The following DSG1 variants were observed in gnomAD, a reference collection of about 807,000 sequenced individuals.
The protein encoded by DSG1 is desmoglein 1, also known as desmoglein-1.
DSG1 carries 39 observed loss-of-function variants against 97.5 expected under a neutral mutation model. The observed-to-expected ratio is 0.40, with a 90% CI of 0.31 to 0.52. The LOEUF (loss-of-function observed/expected upper bound fraction) is 0.52, where lower values mean the gene tolerates loss of function less well. Among genes scored for constraint, DSG1 ranks in the 20% least tolerant of loss-of-function variants. The pLI is 0.53. For synonymous variants in DSG1, 475 were observed against 443.4 expected (o/e 1.07, Z -0.90); for missense variants, 1,311 against 1,295.4 (o/e 1.01, Z -0.18).
At chr18:31,343,744 T>C in intron 12 of DSG1, 161 bp downstream of exon 12, 1 of 1,217,010 alleles carries the variant, frequency 8.2e-7, no homozygotes, top group South Asian at 1.3e-5. Flanking sequence ...CAAAATTAGA[T>C]GGAAGTAACC....
At chr18:31,325,652 A>G (rs2071681176) in intron 1 of DSG1, among the ~76,000 whole-genome samples, 1 of 151,980 alleles carries the variant, frequency 6.6e-6, no homozygotes, top group Non-Finnish European at 1.5e-5. Context: ...TGTAAATATC[A>G]CCAATCACAA....
chr18:31,343,937 T>A lies in DSG1; in HGVS notation c.1833T>A (p.Thr611=), dbSNP rs1423113753. 6.2e-7 allele frequency: 1 copy of A among 1,612,548 alleles called. No homozygotes were observed. ...TTCCTGTCTTTTAGGATATAACCAC[T>A]GTCATACCACAAATACCACCTGATA... ...GPQPEPRDIT[T]VIPQIPPDNA... is the part of the protein sequence containing the mutation. Residue 611 remains threonine, a synonymous_variant, in exon 13 of 15, where the codon ACT becomes ACA. Transcript: ENST00000257192.
At chr18:31,341,170 T>G (rs943798657) in intron 11 of DSG1, among the ~76,000 whole-genome samples, 1 of 152,172 alleles carries the variant, frequency 6.6e-6, no homozygotes, top group Non-Finnish European at 1.5e-5. Context: ...CTTCGGGAAA[T>G]GAGAACAGGA....
rs1183333254 is a variant in DSG1, at chr18:31,357,306, CTT to C, written c.*1963_*1964del. On this transcript the variant is annotated 3_prime_UTR_variant, in exon 15 of 15. Coordinates refer to ENST00000257192, the MANE Select transcript of DSG1 (RefSeq NM_001942.4). ...ATAAATAAAGTCATTCAAAGGGAGT[CTT>C]TTCTTTTTCTGACACTTAGGGGGCC... 9.2e-5 allele frequency among the ~76,000 whole-genome samples: 14 copies of C among 151,956 alleles called. No homozygotes were observed. Among genetic ancestry groups the C allele is most frequent in the African/African-American group, 3.1e-4 (13 of 41,400 alleles).
intron 11 of DSG1, 150 bp from the exon 12 acceptor site, chr18:31,343,300 C>T: frequency 1.8e-6 from 2 of 1,095,712 alleles, no homozygotes; most frequent in Non-Finnish European, 1.4e-6. Context: ...GGGGTCTGAC[C>T]ATCATTCAGC....
intron 13 of DSG1, among the ~76,000 whole-genome samples, 158 bp downstream of exon 13, chr18:31,344,153 C>T (rs1328589286): frequency 6.6e-6 from 1 of 151,972 alleles, no homozygotes; most frequent in African/African-American, 2.4e-5. Context: ...CAAGGAAAAA[C>T]CTATGGTAAT....
intron 6 of DSG1, among the ~76,000 whole-genome samples, chr18:31,332,875 G>A (rs2071729403): frequency 1.3e-5 from 2 of 152,090 alleles, no homozygotes; most frequent in South Asian, 4.1e-4. Flanking sequence ...AGCCCAATGA[G>A]GTTTCTTTCA....
chr18:31,338,717 A>G (rs2071770424), intron 10 of DSG1, among the ~76,000 whole-genome samples: 1 of 152,194 alleles, frequency 6.6e-6, no homozygotes, highest in Non-Finnish European at 1.5e-5. Context: ...ATCCATCTAT[A>G]GCTGTTGTCT....
At chr18:31,354,004 A>G (rs2071928335) in intron 14 of DSG1, 1 of 357,482 alleles carries the variant, frequency 2.8e-6, no homozygotes, top group Non-Finnish European at 5.2e-6. Context: ...CTCGAAACCA[A>G]TTCATGTGAT....
Position 31,318,309 on chromosome 18 carries a change from G to C in DSG1, c.9G>C (p.Trp3Cys), listed in dbSNP as rs762299574. The C allele has an allele frequency of 5.0e-6, 8 of 1,613,510 alleles. No homozygotes were observed. Among genetic ancestry groups the C allele is most frequent in the Non-Finnish European group, 6.8e-6 (8 of 1,179,434 alleles). ...AAGAGAATCCAGCAGAGATGGACTG[G>C]AGTTTCTTCAGAGTAGTTGCAATGC... MD[W>C]SFFRVVAMLF... The change falls in exon 1 of 15, where the codon TGG becomes TGC. Residue 3 changes from tryptophan to cysteine, a missense_variant. Around this residue, in one of 3 missense-constraint regions of DSG1, gnomAD observed 259 missense variants for 304.1 expected, o/e 0.85. Coordinates refer to ENST00000257192, the MANE Select transcript of DSG1 (RefSeq NM_001942.4).
At chr18:31,321,355 G>C (rs887386745) in intron 1 of DSG1, among the ~76,000 whole-genome samples, 1 of 152,042 alleles carries the variant, frequency 6.6e-6, no homozygotes, top group Admixed American at 6.6e-5. Context: ...AGACCAAACA[G>C]AAGACAAGCA....
Position 31,334,188 on chromosome 18 carries a change from T to C in DSG1, c.991T>C (p.Leu331=). ...EMNERTNVGI[L]KVVKPLDYEA... The stretch of plus-strand genomic sequence containing the variant: ...GAATGAAAGAACAAATGTGGGAATT[T>C]TAAAGGTTGTTAAGGTATGGTATAA... The change falls in exon 8 of 15, where the codon TTA becomes CTA. Residue 331 remains leucine (L), a synonymous_variant. Transcript: ENST00000257192. 6.3e-7 allele frequency: 1 copy of C among 1,594,990 alleles called. No homozygotes were observed. The highest frequency in any genetic ancestry group is 8.6e-7 in the Non-Finnish European group (1 of 1,163,448).
intron 11 of DSG1, 143 bp downstream of exon 11, chr18:31,340,168 GT>G: frequency 1.1e-6 from 1 of 904,916 alleles, no homozygotes; most frequent in Non-Finnish European, 1.7e-6. Flanking sequence ...TTGGCACTGG[GT>G]TTATAAGATG....
chr18:31,351,906 G>A (rs1446562930), intron 14 of DSG1, among the ~76,000 whole-genome samples: 1 of 151,176 alleles, frequency 6.6e-6, no homozygotes, highest in African/African-American at 2.4e-5. Flanking sequence ...ACACTGATGG[G>A]TCTTGACTCT....
chr18:31,359,235 T>G lies in DSG1; in HGVS notation c.*3889T>G, dbSNP rs1020373335. 6.6e-6 allele frequency among the ~76,000 whole-genome samples: 1 copy of G among 152,182 alleles called. No homozygotes were observed. Among genetic ancestry groups the G allele is most frequent in the Non-Finnish European group, 1.5e-5 (1 of 68,012 alleles). On this transcript the variant is annotated 3_prime_UTR_variant, in exon 15 of 15. Transcript: ENST00000257192. ...AAGAGTTATGCATACAGCAATAAAATTATTAATATGCCTCCCTTATCTTTT... is the reference window on the plus strand; with the variant it reads ...AAGAGTTATGCATACAGCAATAAAAGTATTAATATGCCTCCCTTATCTTTT...
chr18:31,329,287 A>G (rs372820484), intron 4 of DSG1, among the ~76,000 whole-genome samples: 19 of 151,930 alleles, frequency 1.3e-4, no homozygotes, highest in African/African-American at 4.1e-4. Flanking sequence ...AAGAAACCCT[A>G]TTTTGCTCCT....
rs376205895 is a variant in DSG1 at position 31,358,887 on chromosome 18, A to C, written c.*3541A>C. Among the ~76,000 whole-genome samples, 1 of 152,080 alleles carries C rather than the reference A, an allele frequency of 6.6e-6. No individual in the cohort carries two copies. Among genetic ancestry groups the C allele is most frequent in the Non-Finnish European group, 1.5e-5 (1 of 67,978 alleles). The stretch of plus-strand genomic sequence containing the variant: ...CTTCCACTTCCGGATTATTCAATTT[A>C]TGTTAGGACAAATCTTGACTAGATC... On this transcript the variant is annotated 3_prime_UTR_variant, in exon 15 of 15. Transcript: ENST00000257192.
At chr18:31,347,978 A>T (rs78544441) in intron 14 of DSG1, among the ~76,000 whole-genome samples, 3 of 151,728 alleles carry the variant, frequency 2.0e-5, no homozygotes, top group East Asian at 1.9e-4. Flanking sequence ...ATTTTTTTTT[A>T]TTATTATACT....
At chr18:31,330,167 CTTTCAACTACG>C (rs1444209785) in intron 5 of DSG1, 131 bp downstream of exon 5, 15 of 1,175,196 alleles carry the variant, frequency 1.3e-5, no homozygotes, top group Non-Finnish European at 1.8e-5. Flanking sequence ...CAAGTCTTTC[CTTTCAACTACG>C]GAAGCAGCTC....
Sources: allele counts gnomAD v4.1 joint callset (sites outside exome capture counted in the v4.1 genomes callset), GRCh38; gene constraint gnomAD v4.1.1; regional missense constraint gnomAD v4.1.1; transcripts MANE v1.5; gene names NCBI Gene and HGNC (gene_info 2026-07-23, HGNC 2026-07-21).